FNIP1: variants seen among roughly 807,000 people sequenced by gnomAD.
The protein encoded by FNIP1 is folliculin interacting protein 1, also known as folliculin-interacting protein 1.
In FNIP1, 40 loss-of-function variants were observed where a neutral mutation model predicts 124.5. The observed-to-expected ratio is 0.32, with a 90% CI of 0.25 to 0.42. The LOEUF (loss-of-function observed/expected upper bound fraction) is 0.42. Ranked by LOEUF, FNIP1 falls within the 10% of genes least tolerant of loss-of-function variation. The pLI, the probability that FNIP1 is intolerant of heterozygous loss-of-function variation, is 1.00. For missense variants in FNIP1, 1,176 were observed against 1,403.7 expected (o/e 0.84, Z 2.59); for synonymous variants, 472 against 470.6 (o/e 1.00, Z -0.04).
chr5:131,750,036 T>C (rs1561688983), intron 1 of FNIP1, among the ~76,000 whole-genome samples: 1 of 152,198 alleles, frequency 6.6e-6, no homozygotes. Flanking sequence ...CTACATAACG[T>C]TGAAGACTAT....
chr5:131,735,669 C>T (rs554697819), intron 2 of FNIP1, among the ~76,000 whole-genome samples: 4 of 148,852 alleles, frequency 2.7e-5, no homozygotes, highest in East Asian at 3.9e-4. Flanking sequence ...TGTATATATA[C>T]GTATAAAATA....
rs559311726 is a variant in FNIP1 at position 131,713,884 on chromosome 5, T to A, written c.622+2681A>T. Reference sequence around the variant, plus strand: ...GTCATTTGGAGTAACATGATCAGCCTTCTAATATGGGCCTTTTCTCAATCC... The same window carrying A: ...GTCATTTGGAGTAACATGATCAGCCATCTAATATGGGCCTTTTCTCAATCC... On this transcript the variant is annotated intron_variant, in intron 6 of 17. Coordinates refer to ENST00000510461, the MANE Select transcript of FNIP1 (RefSeq NM_133372.3). Among the ~76,000 whole-genome samples, 3 of 152,352 alleles carry A rather than the reference T, an allele frequency of 2.0e-5. No homozygotes were observed. The East Asian group carries it at 5.8e-4, about 29-fold the overall frequency.
intron 6 of FNIP1, among the ~76,000 whole-genome samples, chr5:131,714,786 A>G (rs574569743): frequency 6.6e-6 from 1 of 152,306 alleles, no homozygotes; most frequent in African/African-American, 2.4e-5. Context: ...TATTTTAATC[A>G]CACACTGCTT....
chr5:131,652,838 C>A (rs970987716), intron 15 of FNIP1, among the ~76,000 whole-genome samples: 1 of 151,970 alleles, frequency 6.6e-6, no homozygotes, highest in African/African-American at 2.4e-5. Flanking sequence ...GTGGCATGCA[C>A]CTGTGATCCC....
chr5:131,676,476 G>C (rs114650698), intron 13 of FNIP1, among the ~76,000 whole-genome samples: 1,602 of 152,068 alleles, frequency 0.011, 20 homozygotes, highest in African/African-American at 0.036. Context: ...ATATGTGTTG[G>C]GCCAGGTGTG....
chr5:131,689,608 T>C (rs1287953308), intron 11 of FNIP1, among the ~76,000 whole-genome samples: 1 of 152,160 alleles, frequency 6.6e-6, no homozygotes, highest in Non-Finnish European at 1.5e-5. Flanking sequence ...TATTTGAAAG[T>C]TGTAAATGTG....
intron 15 of FNIP1, among the ~76,000 whole-genome samples, chr5:131,665,534 T>C (rs1024257311): frequency 2.6e-5 from 4 of 151,300 alleles, no homozygotes; most frequent in Non-Finnish European, 5.9e-5. Flanking sequence ...AAAAATTTCA[T>C]GTTAAATATG....
intron 11 of FNIP1, among the ~76,000 whole-genome samples, chr5:131,694,550 G>T (rs904056302): frequency 6.6e-6 from 1 of 152,140 alleles, no homozygotes; most frequent in Non-Finnish European, 1.5e-5. Flanking sequence ...TAAAAATATA[G>T]AGAAAGTAAA....
chr5:131,755,968 T>C (rs147044059), intron 1 of FNIP1, among the ~76,000 whole-genome samples: 83 of 151,726 alleles, frequency 5.5e-4, no homozygotes, highest in African/African-American at 1.9e-3. Flanking sequence ...GAGATTGAGA[T>C]TGTACCACTG....
chr5:131,728,008 C>G (rs909553092), intron 3 of FNIP1, among the ~76,000 whole-genome samples: 1 of 152,202 alleles, frequency 6.6e-6, no homozygotes, highest in Non-Finnish European at 1.5e-5. Context: ...ATTGGTCCCC[C>G]ACTCTCTTCT....
chr5:131,726,127 T>C (rs1007403700), intron 3 of FNIP1, among the ~76,000 whole-genome samples: 1 of 152,236 alleles, frequency 6.6e-6, no homozygotes, highest in Non-Finnish European at 1.5e-5. Context: ...CCCATTGATG[T>C]TCATCAGGGA....
intron 15 of FNIP1, among the ~76,000 whole-genome samples, chr5:131,659,366 C>A (rs1225316312): frequency 6.6e-6 from 1 of 152,154 alleles, no homozygotes; most frequent in Non-Finnish European, 1.5e-5. Context: ...TAGCTCATTG[C>A]CAATGGTGAT....
chr5:131,690,654 CA>C (rs1212260368), intron 11 of FNIP1, among the ~76,000 whole-genome samples: 7 of 152,142 alleles, frequency 4.6e-5, no homozygotes, highest in Non-Finnish European at 8.8e-5. Context: ...AACCTCTTCC[CA>C]TTATAAATTA....
chr5:131,748,972 G>A (rs934332538), intron 1 of FNIP1, among the ~76,000 whole-genome samples: 14 of 152,038 alleles, frequency 9.2e-5, no homozygotes, highest in South Asian at 2.1e-4. Context: ...GTAGGCCTAC[G>A]TTAATGGTGT....
chr5:131,726,485 A>C (rs2149547205), intron 3 of FNIP1, among the ~76,000 whole-genome samples: 1 of 152,280 alleles, frequency 6.6e-6, no homozygotes, highest in Middle Eastern at 3.4e-3. Flanking sequence ...ATTTGTGTAC[A>C]AACTATGATA....
chr5:131,647,453 A>G (rs1375338269), intron 16 of FNIP1, among the ~76,000 whole-genome samples: 1 of 150,620 alleles, frequency 6.6e-6, no homozygotes, highest in Admixed American at 6.6e-5. Context: ...TACACATACA[A>G]TTTGCCCTTT....
rs898901884 is a variant in FNIP1, at chr5:131,669,025, A to C, written c.3108+1438T>G. Reference sequence around the variant, plus strand: ...ACAAAATTCAGGAACAAAAGAGGGGACATCACTAGCAACCTTATAAAAACT... The same window carrying C: ...ACAAAATTCAGGAACAAAAGAGGGGCCATCACTAGCAACCTTATAAAAACT... On this transcript the variant is annotated intron_variant, in intron 15 of 17. Coordinates refer to ENST00000510461, the MANE Select transcript of FNIP1 (RefSeq NM_133372.3). Among the ~76,000 whole-genome samples the C allele has an allele frequency of 2.6e-5, 4 of 152,232 alleles. No homozygotes were observed. The East Asian group carries it at 5.8e-4, about 22-fold the overall frequency.
intron 15 of FNIP1, among the ~76,000 whole-genome samples, chr5:131,652,671 C>G (rs1208152424): frequency 6.6e-6 from 1 of 152,056 alleles, no homozygotes; most frequent in African/African-American, 2.4e-5. Context: ...CAGAACAGGA[C>G]AGGACAGGAC....
chr5:131,761,286 G>A (rs1214213697), intron 1 of FNIP1, among the ~76,000 whole-genome samples: 2 of 151,968 alleles, frequency 1.3e-5, no homozygotes, highest in Non-Finnish European at 2.9e-5. Flanking sequence ...CAATTCAACA[G>A]GAGAAAGAAA....
Sources: allele counts gnomAD v4.1 joint callset (sites outside exome capture counted in the v4.1 genomes callset), GRCh38; gene constraint gnomAD v4.1.1; transcripts MANE v1.5; gene names NCBI Gene and HGNC (gene_info 2026-07-23, HGNC 2026-07-21).